The following NPFFR1 variants were observed in gnomAD, a reference collection of about 807,000 sequenced individuals.
NPFFR1 encodes the protein G-protein coupled receptor 147.
In NPFFR1, 17 loss-of-function variants were observed where a neutral mutation model predicts 12.7. The ratio of observed to expected loss-of-function variants is 1.34; its 90% CI spans 0.92 to 2.01. The LOEUF is 2.01. Ranked by LOEUF, NPFFR1 falls within the 30% of genes most tolerant of loss-of-function variation. The probability of loss-of-function intolerance (pLI) is 0.00; values close to 1 mark genes in which losing one functional copy is unlikely to be tolerated. For synonymous variants in NPFFR1, 296 were observed against 264.5 expected, an observed-to-expected ratio of 1.12 and a Z score of -1.16; for missense variants, 604 against 606.5, an observed-to-expected ratio of 1.00 and a Z score of 0.04.
At chr10:70,266,021 T>G in intron 2 of NPFFR1, 56 bp downstream of exon 2, 31 of 1,486,018 alleles carry the variant, frequency 2.1e-5, no homozygotes, top group Non-Finnish European at 2.6e-5. Context: ...CAGCCTTATC[T>G]GAGAAGTTGA....
chr10:70,277,946 G>A (rs779269082), intron 1 of NPFFR1: 1 of 519,760 alleles, frequency 1.9e-6, no homozygotes, highest in Non-Finnish European at 3.8e-6. Context: ...AAGACTTCTG[G>A]GCCCTCAGAG....
intron 1 of NPFFR1, among the ~76,000 whole-genome samples, chr10:70,271,321 TGA>T (rs1840741109): frequency 6.6e-6 from 1 of 152,142 alleles, no homozygotes; most frequent in African/African-American, 2.4e-5. Context: ...GAGACCAGCC[TGA>T]GCAACAGAGT....
At chr10:70,281,938 C>A (rs1840867051) in intron 1 of NPFFR1, among the ~76,000 whole-genome samples, 1 of 152,160 alleles carries the variant, frequency 6.6e-6, no homozygotes, top group Non-Finnish European at 1.5e-5. Context: ...TGTGTTTGGT[C>A]ATTTCTTCTG....
chr10:70,277,912 A>C, intron 1 of NPFFR1: 1 of 515,038 alleles, frequency 1.9e-6, no homozygotes, highest in Non-Finnish European at 3.9e-6. Flanking sequence ...GGCAGACTGC[A>C]GTGTCTGTCT....
chr10:70,278,665 T>C (rs1840829206), intron 1 of NPFFR1, among the ~76,000 whole-genome samples: 2 of 152,208 alleles, frequency 1.3e-5, no homozygotes, highest in Non-Finnish European at 2.9e-5. Context: ...CGTCTCTCAA[T>C]CAATTCACGA....
rs1183842087 is a variant in NPFFR1 at position 70,266,361 on chromosome 10, C to A, written c.38G>T (p.Trp13Leu). ...GTTAGTCCCATTCTGACTTAGGGGC[C>A]AACTGCTGTTGGGAGGCTGGGAGGG... ...GEPSQPPNSS[W>L]PLSQNGTNTE... Residue 13 changes from tryptophan (W) to leucine (L), a missense_variant, in exon 2 of 4, where the codon TGG (tryptophan) becomes TTG (leucine). Physicochemically the swap from Trp to Leu is moderately conservative, Grantham distance 61 (BLOSUM62 -2). Transcript: ENST00000277942. The A allele has an allele frequency of 1.2e-6, 2 of 1,613,438 alleles. No individual in the cohort carries two copies.
At chr10:70,273,025 G>C (rs898748324) in intron 1 of NPFFR1, among the ~76,000 whole-genome samples, 3 of 152,118 alleles carry the variant, frequency 2.0e-5, no homozygotes, top group Non-Finnish European at 4.4e-5. Context: ...TTTTATTTTC[G>C]GTTTTTCTAG....
At chr10:70,263,557 G>A (rs1840656709) in intron 2 of NPFFR1, among the ~76,000 whole-genome samples, 2 of 152,104 alleles carry the variant, frequency 1.3e-5, no homozygotes, top group Admixed American at 1.3e-4. Flanking sequence ...ACAGGCATGA[G>A]CCACCGCGCC....
intron 3 of NPFFR1, among the ~76,000 whole-genome samples, chr10:70,259,329 C>A (rs1291809328): frequency 0.01 from 1,544 of 152,048 alleles, 23 homozygotes; most frequent in African/African-American, 0.032. Context: ...AAGAAATCTC[C>A]AGAGAATAAA....
chr10:70,282,103 T>C (rs1437245048), intron 1 of NPFFR1, among the ~76,000 whole-genome samples: 2 of 152,234 alleles, frequency 1.3e-5, no homozygotes, highest in African/African-American at 4.8e-5. Flanking sequence ...GCAATGATTA[T>C]ATCTGTAAAT....
rs1840545707 is a variant in NPFFR1, at chr10:70,254,987, C to T, written c.1263G>A (p.Leu421=). 1 of 1,443,024 alleles carries T rather than the reference C, an allele frequency of 6.9e-7. No homozygotes were observed. Among genetic ancestry groups the T allele is most frequent in the South Asian group, 1.5e-5 (1 of 66,794 alleles). The allele number at this position is 1,443,024 out of a possible 1,614,324, so 89.4% of individuals were successfully genotyped here. Residue 421 remains leucine (L), a synonymous_variant, in exon 4 of 4, where the codon CTG becomes CTA. Transcript: ENST00000277942. ...LPREGPGCSH[L]PLTIPAWDI ...TATCCCAGGCTGGAATGGTGAGGGG[C>T]AGGTGGGAGCAGCCAGGCCCTTCCC...
chr10:70,279,174 C>T (rs1224658625), intron 1 of NPFFR1, among the ~76,000 whole-genome samples: 2 of 152,014 alleles, frequency 1.3e-5, no homozygotes, highest in Non-Finnish European at 2.9e-5. Context: ...GTATGTGTGA[C>T]CGAGTCTCGC....
intron 3 of NPFFR1, among the ~76,000 whole-genome samples, chr10:70,257,613 C>A (rs1032987650): frequency 1.3e-5 from 2 of 152,224 alleles, no homozygotes; most frequent in Non-Finnish European, 2.9e-5. Flanking sequence ...ATGAGAAAGA[C>A]CTGACCGTCC....
chr10:70,276,657 G>A (rs542599625), intron 1 of NPFFR1, among the ~76,000 whole-genome samples: 2 of 148,342 alleles, frequency 1.3e-5, no homozygotes, highest in South Asian at 4.3e-4. Flanking sequence ...GCGCGATCTG[G>A]GTTCACTGCA....
chr10:70,279,347 A>G (rs1840835604), intron 1 of NPFFR1, among the ~76,000 whole-genome samples: 1 of 152,082 alleles, frequency 6.6e-6, no homozygotes, highest in Admixed American at 6.5e-5. Flanking sequence ...GGGGTTCACC[A>G]TGTTGGCTAG....
intron 1 of NPFFR1, among the ~76,000 whole-genome samples, chr10:70,275,491 C>T (rs931075673): frequency 7.9e-5 from 12 of 152,158 alleles, no homozygotes; most frequent in South Asian, 2.1e-4. Context: ...AGCACCTTTC[C>T]GGGTTCAATG....
At chr10:70,274,716 C>G (rs1840784139) in intron 1 of NPFFR1, among the ~76,000 whole-genome samples, 1 of 152,152 alleles carries the variant, frequency 6.6e-6, no homozygotes, top group Non-Finnish European at 1.5e-5. Context: ...CTCTCCCAAC[C>G]TCATGGAGTT....
chr10:70,271,183 C>T (rs984664538), intron 1 of NPFFR1, among the ~76,000 whole-genome samples: 1 of 152,184 alleles, frequency 6.6e-6, no homozygotes, highest in Non-Finnish European at 1.5e-5. Flanking sequence ...TTCCTGCCTC[C>T]TTACCTCTGT....
chr10:70,276,294 A>G lies in NPFFR1; in HGVS notation c.7+7376T>C, dbSNP rs144802969. Reference sequence around the variant, plus strand: ...ACACCTAACCCCTTTGAGATCCATTACCTCCTAACGAGGCATCACTGCTTG... The same window carrying G: ...ACACCTAACCCCTTTGAGATCCATTGCCTCCTAACGAGGCATCACTGCTTG... On this transcript the variant is annotated intron_variant, in intron 1 of 3. Transcript: ENST00000277942. Among the ~76,000 whole-genome samples the G allele has an allele frequency of 2.0e-4, 31 of 152,156 alleles. 1 individual carries two copies. The highest frequency in any genetic ancestry group is 7.0e-4 in the African/African-American group (29 of 41,508).
Sources: allele counts gnomAD v4.1 joint callset (sites outside exome capture counted in the v4.1 genomes callset), GRCh38; gene constraint gnomAD v4.1.1; transcripts MANE v1.5; gene names NCBI Gene and HGNC (gene_info 2026-07-23, HGNC 2026-07-21).